The following SLC39A11 variants were observed in gnomAD, a reference collection of about 807,000 sequenced individuals.
SLC39A11 encodes solute carrier family 39 member 11, also known as zinc transporter ZIP11.
SLC39A11 carries 33 observed loss-of-function variants against 36.1 expected under a neutral mutation model. The ratio of observed to expected loss-of-function variants is 0.91; its 90% CI spans 0.69 to 1.22. The LOEUF is 1.22. SLC39A11 is among the 50% of genes most tolerant of loss of function. SLC39A11 has a pLI of 0.00. For missense variants in SLC39A11, 432 were observed against 430.3 expected (o/e 1.00, Z -0.03); for synonymous variants, 166 against 170.3 (o/e 0.97, Z 0.20).
intron 5 of SLC39A11, among the ~76,000 whole-genome samples, chr17:72,934,075 T>C (rs2084594924): frequency 6.6e-6 from 1 of 152,118 alleles, no homozygotes; most frequent in African/African-American, 2.4e-5. Context: ...CACCATATTT[T>C]TTTGAAACTT....
intron 3 of SLC39A11, among the ~76,000 whole-genome samples, chr17:73,064,570 ACT>A (rs528206079): frequency 1.6e-3 from 237 of 151,638 alleles, no homozygotes; most frequent in African/African-American, 5.6e-3. Context: ...GTGCTGAAAC[ACT>A]CTCTTTATTA....
At chr17:72,745,609 C>T (rs529365770) in intron 6 of SLC39A11, among the ~76,000 whole-genome samples, 2 of 152,308 alleles carry the variant, frequency 1.3e-5, no homozygotes, top group Non-Finnish European at 2.9e-5. Flanking sequence ...TATTCTCCGC[C>T]CTGTGCCTGT....
chr17:72,665,520 C>T (rs535009941), intron 7 of SLC39A11, among the ~76,000 whole-genome samples: 1 of 150,048 alleles, frequency 6.7e-6, no homozygotes, highest in Admixed American at 6.7e-5. Flanking sequence ...CCTCTGAAGA[C>T]CAAGGCATGT....
intron 7 of SLC39A11, among the ~76,000 whole-genome samples, chr17:72,711,587 T>C (rs1020456148): frequency 6.6e-6 from 1 of 152,234 alleles, no homozygotes; most frequent in Non-Finnish European, 1.5e-5. Flanking sequence ...AGCAAACCCA[T>C]ATTCTAAATA....
chr17:72,936,457 A>G lies in SLC39A11; in HGVS notation c.430+11295T>C, dbSNP rs1043164610. Among the ~76,000 whole-genome samples the G allele has an allele frequency of 5.5e-5, 8 of 144,670 alleles. No individual in the cohort carries two copies. In the East Asian group the frequency reaches 6.2e-4, roughly 11 times the overall value. 94.9% of individuals were successfully genotyped at this position (144,670 alleles called of 152,430 possible). On this transcript the variant is annotated intron_variant, in intron 5 of 9. Transcript: ENST00000255559. ...AAAAAAAAAAATTCCCCTGGCAATT[A>G]CCCGGGGAACAAACAGGAGATCCTA... is the stretch of plus-strand genomic sequence containing the variant.
At chr17:72,983,112 C>T (rs757644483) in intron 4 of SLC39A11, among the ~76,000 whole-genome samples, 6 of 151,922 alleles carry the variant, frequency 3.9e-5, no homozygotes, top group Non-Finnish European at 8.8e-5. Context: ...GAATAGTACC[C>T]AGGGTGTTTT....
At chr17:72,729,408 TATATATATATATATA>T (rs1567994140) in intron 7 of SLC39A11, among the ~76,000 whole-genome samples, 200 of 4,432 alleles carry the variant, frequency 0.045, 13 homozygotes, top group African/African-American at 0.1. Flanking sequence ...TGGCTATTTA[TATATATATATATATA>T]TATATATATA....
intron 7 of SLC39A11, among the ~76,000 whole-genome samples, chr17:72,649,756 C>A (rs2069765957): frequency 6.6e-6 from 1 of 151,078 alleles, no homozygotes; most frequent in South Asian, 2.1e-4. Context: ...TGATTTCCAG[C>A]TAATTTTTGT....
chr17:72,948,111 G>T (rs909805795), intron 4 of SLC39A11, among the ~76,000 whole-genome samples: 11 of 152,136 alleles, frequency 7.2e-5, no homozygotes, highest in African/African-American at 1.9e-4. Context: ...GATCTAAAAA[G>T]TCAGTGCTGA....
intron 6 of SLC39A11, among the ~76,000 whole-genome samples, chr17:72,841,674 C>T (rs916148252): frequency 7.2e-5 from 11 of 152,134 alleles, no homozygotes; most frequent in African/African-American, 2.7e-4. Flanking sequence ...AATAATTGTA[C>T]ATTTTAAAAT....
chr17:72,797,280 C>T (rs1166757487), intron 6 of SLC39A11, among the ~76,000 whole-genome samples: 1 of 152,088 alleles, frequency 6.6e-6, no homozygotes, highest in Non-Finnish European at 1.5e-5. Context: ...AATGCCAACC[C>T]ATCTATTCTA....
intron 4 of SLC39A11, among the ~76,000 whole-genome samples, chr17:73,028,158 C>A (rs572034712): frequency 3.9e-5 from 6 of 152,164 alleles, no homozygotes; most frequent in Admixed American, 6.5e-5. Flanking sequence ...TGATCTGGGG[C>A]TGAATTTACC....
chr17:72,765,894 G>A (rs1291456708), intron 6 of SLC39A11, among the ~76,000 whole-genome samples: 1 of 152,162 alleles, frequency 6.6e-6, no homozygotes, highest in African/African-American at 2.4e-5. Flanking sequence ...AACCTCAAGG[G>A]CCCAGACAGC....
intron 4 of SLC39A11, among the ~76,000 whole-genome samples, chr17:72,966,368 C>T (rs1336564075): frequency 2.6e-5 from 4 of 152,192 alleles, no homozygotes; most frequent in African/African-American, 9.6e-5. Context: ...TTGAGAATTA[C>T]TACCGCCCCC....
chr17:72,788,209 C>T (rs1036009587), intron 6 of SLC39A11, among the ~76,000 whole-genome samples: 1 of 152,194 alleles, frequency 6.6e-6, no homozygotes. Context: ...CTCCATACAT[C>T]CTGGACCCCT....
At chr17:72,994,630 T>C (rs1196161329) in intron 4 of SLC39A11, among the ~76,000 whole-genome samples, 1 of 152,208 alleles carries the variant, frequency 6.6e-6, no homozygotes. Flanking sequence ...CGCTTTTAAT[T>C]AGAAATCTGA....
At chr17:73,007,900 C>T (rs895424276) in intron 4 of SLC39A11, among the ~76,000 whole-genome samples, 4 of 152,080 alleles carry the variant, frequency 2.6e-5, no homozygotes, top group African/African-American at 4.8e-5. Flanking sequence ...GTCAGGAGTT[C>T]GAGACCAGCC....
At chr17:72,708,273 C>G (rs1381306894) in intron 7 of SLC39A11, among the ~76,000 whole-genome samples, 1 of 152,164 alleles carries the variant, frequency 6.6e-6, no homozygotes, top group Non-Finnish European at 1.5e-5. Flanking sequence ...CCTCCTGAAT[C>G]TAAGTGGGCC....
intron 4 of SLC39A11, among the ~76,000 whole-genome samples, chr17:72,965,731 T>C (rs2086923917): frequency 6.6e-6 from 1 of 152,164 alleles, no homozygotes; most frequent in Non-Finnish European, 1.5e-5. Flanking sequence ...AGGCTTAATG[T>C]GTGGAAAAGA....
Sources: gnomAD v4.1 joint callset for allele counts (sites outside exome capture counted in the v4.1 genomes callset) on GRCh38, gnomAD v4.1.1 for gene constraint, MANE v1.5 for transcripts, NCBI Gene and HGNC (gene_info 2026-07-23, HGNC 2026-07-21) for gene names.